UGP2: variants seen among roughly 807,000 people sequenced by gnomAD.
UGP2 encodes UTP--glucose-1-phosphate uridylyltransferase.
UGP2 carries 40 observed loss-of-function variants against 49.0 expected under a neutral mutation model. The observed-to-expected ratio is 0.82, with a 90% confidence interval of 0.63 to 1.06. UGP2 has a LOEUF of 1.06. Among genes scored for constraint, UGP2 ranks in the 50% least tolerant of loss-of-function variants. The pLI is 0.00. For synonymous variants in UGP2, 225 were observed against 213.0 expected, an observed-to-expected ratio of 1.06 and a Z score of -0.49; for missense variants, 460 against 603.5, an observed-to-expected ratio of 0.76 and a Z score of 2.49.
intron 4 of UGP2, among the ~76,000 whole-genome samples, chr2:63,883,040 G>T (rs1034247783): frequency 2.0e-5 from 3 of 152,184 alleles, no homozygotes; most frequent in African/African-American, 7.2e-5. Flanking sequence ...GCTAAGAACT[G>T]TTCTTGGCTT....
At position 63,861,988 on chromosome 2, in the gene UGP2, A is replaced by AT. The variant is rs199500945; in HGVS notation, c.255+4061dup. ...TGTGTGCAGAGTACAGATACATAGC[A>AT]TTTTTTTTTCTGAAGGTGAACCGTA... On this transcript the variant is annotated intron_variant, in intron 3 of 9. Transcript: ENST00000337130. Among the ~76,000 whole-genome samples, 395 of 151,154 alleles carry AT rather than the reference A, an allele frequency of 2.6e-3. 6 individuals carry two copies. The highest frequency in any genetic ancestry group is 9.3e-3 in the African/African-American group (384 of 41,182).
intron 3 of UGP2, among the ~76,000 whole-genome samples, chr2:63,875,903 G>C (rs562997695): frequency 7.2e-5 from 11 of 152,226 alleles, no homozygotes; most frequent in African/African-American, 2.6e-4. Flanking sequence ...GATCGCACTG[G>C]TGACTGACTA....
At chr2:63,890,617 A>G (rs889452273) in intron 9 of UGP2, among the ~76,000 whole-genome samples, 1 of 152,206 alleles carries the variant, frequency 6.6e-6, no homozygotes, top group Non-Finnish European at 1.5e-5. Flanking sequence ...TAGATTTCAT[A>G]TACTCCTCCC....
chr2:63,887,489 G>C lies in UGP2; in HGVS notation c.1159G>C (p.Val387Leu). 1 of 1,614,044 alleles carries C rather than the reference G, an allele frequency of 6.2e-7. No individual in the cohort carries two copies. Among genetic ancestry groups the C allele is most frequent in the Non-Finnish European group, 8.5e-7 (1 of 1,180,020 alleles). Reference sequence around the variant, plus strand: ...TTTTGAGAATTCTCTAGGTATTAATGTGCCAAGGAGCCGTTTTCTGCCTGT... The same window carrying C: ...TTTTGAGAATTCTCTAGGTATTAATCTGCCAAGGAGCCGTTTTCTGCCTGT... ...KSFENSLGIN[V>L]PRSRFLPVKT... Residue 387 changes from valine (V) to leucine (L), a missense_variant, in exon 8 of 10, where the codon GTG becomes CTG. Transcript: ENST00000337130.
intron 1 of UGP2, among the ~76,000 whole-genome samples, chr2:63,843,192 T>A (rs975608550): frequency 3.3e-5 from 5 of 152,386 alleles, no homozygotes; most frequent in Non-Finnish European, 7.3e-5. Flanking sequence ...CATCGCTTTA[T>A]TAACTCTTCT....
chr2:63,858,801 G>A (rs1293892890), intron 3 of UGP2, among the ~76,000 whole-genome samples: 2 of 151,860 alleles, frequency 1.3e-5, no homozygotes, highest in East Asian at 1.9e-4. Context: ...AAATAAGTAG[G>A]TGTAAATTCA....
At chr2:63,886,283 T>TA in intron 6 of UGP2, 58 bp from the exon 7 acceptor site, 1 of 1,521,150 alleles carries the variant, frequency 6.6e-7, no homozygotes, top group Admixed American at 1.7e-5. Context: ...TCTTTGTATT[T>TA]ACAAAAAAAT....
chr2:63,861,575 C>A (rs1022191006), intron 3 of UGP2, among the ~76,000 whole-genome samples: 3 of 149,844 alleles, frequency 2.0e-5, no homozygotes, highest in Admixed American at 2.0e-4. Context: ...GTAGTCCCAG[C>A]TACTTGGAAG....
At chr2:63,872,869 T>A (rs1374937485) in intron 3 of UGP2, among the ~76,000 whole-genome samples, 2 of 151,772 alleles carry the variant, frequency 1.3e-5, no homozygotes, top group Non-Finnish European at 2.9e-5. Context: ...AAGCAAAACA[T>A]GCTGGACGAG....
At chr2:63,842,582 A>G in intron 1 of UGP2, 2 of 1,485,222 alleles carry the variant, frequency 1.3e-6, no homozygotes, top group Admixed American at 2.2e-5. Context: ...GGGAAGCGGG[A>G]GGACTGAGAA....
rs762421534 is a variant in UGP2, at chr2:63,857,923, C to A, written c.242C>A (p.Pro81His). Residue 81 changes from proline to histidine, a missense_variant, in exon 3 of 10, where the codon CCC (proline) becomes CAC (histidine). Physicochemically the swap from Pro to His is moderately conservative, Grantham distance 77. Transcript: ENST00000337130. ...PSVDWGKIQR[P>H]PEDSIQPYEK... ...GTGGATTGGGGAAAAATCCAGAGAC[C>A]CCCTGAAGATTCGGTAAGTTTTAGA... is the stretch of plus-strand genomic sequence containing the variant. 2 of 1,613,302 alleles carry A rather than the reference C, an allele frequency of 1.2e-6. No individual in the cohort carries two copies. Among genetic ancestry groups the A allele is most frequent in the Non-Finnish European group, 8.5e-7 (1 of 1,179,722 alleles).
rs965420883 is a variant in UGP2, at chr2:63,890,189, T to C, written c.1419+4T>C. The C allele has an allele frequency of 1.9e-6, 3 of 1,586,738 alleles. No individual in the cohort carries two copies. Among genetic ancestry groups the C allele is most frequent in the Non-Finnish European group, 1.7e-6 (2 of 1,163,272 alleles). ...TGGAAAAAATGTTTCATTAAAGGTA[T>C]GTTGTTACAATGAAAATTATATTTC... On this transcript the variant is annotated splice_donor_region_variant and intron_variant, in intron 9 of 9. Coordinates refer to ENST00000337130, the MANE Select transcript of UGP2 (RefSeq NM_006759.4).
At chr2:63,855,520 G>GTTTTTTTTTTTTTTTTTTTCTTTTT in intron 1 of UGP2, 2 of 192,240 alleles carry the variant, frequency 1.0e-5, no homozygotes, top group South Asian at 8.2e-5. Flanking sequence ...TTCTTTTTCT[G>GTTTTTTTTTTTTTTTTTTTCTTTTT]TTTTTTTTTT....
intron 3 of UGP2, among the ~76,000 whole-genome samples, chr2:63,876,532 G>GAT (rs1670916607): frequency 6.6e-6 from 1 of 152,170 alleles, no homozygotes; most frequent in Admixed American, 6.5e-5. Flanking sequence ...AGAGTCTTCT[G>GAT]TGGTTAACAA....
chr2:63,885,699 G>C lies in UGP2; in HGVS notation c.686G>C (p.Ser229Thr). ...YPPGHGDIYA[S>T]FYNSGLLDTF... ...CCAGGTCATGGTGATATTTACGCCA[G>C]TTTCTACAACTCTGGATTGCTTGAT... The change falls in exon 6 of 10, where the codon AGT (serine) becomes ACT (threonine). Residue 229 changes from serine (S) to threonine (T), a missense_variant. Ser to Thr is a moderately conservative substitution (Grantham distance 58, BLOSUM62 1). This residue lies in a region of UGP2 where 317 missense variants were observed against 473.0 expected (regional missense o/e 0.67). Transcript: ENST00000337130. 2 of 1,613,924 alleles carry C rather than the reference G, an allele frequency of 1.2e-6. No homozygotes were observed. The highest frequency in any genetic ancestry group is 1.1e-5 in the South Asian group (1 of 91,070).
chr2:63,882,684 T>G (rs753177382), intron 4 of UGP2, 33 bp downstream of exon 4: 1 of 1,458,822 alleles, frequency 6.9e-7, no homozygotes, highest in Non-Finnish European at 9.1e-7. Flanking sequence ...CATGAGATAC[T>G]AAAATAGTTT....
rs1298528398 is a variant in UGP2, at chr2:63,886,508, C to A, written c.1041C>A (p.Ala347=). ...TTAAAAGACTGCAGGAGCAAAATGC[C>A]ATTGACATGGAAATCATTGTGAATG... ...AAVKRLQEQN[A]IDMEIIVNAK... Residue 347 remains alanine, a synonymous_variant, in exon 7 of 10, where the codon GCC becomes GCA. Coordinates refer to ENST00000337130, the MANE Select transcript of UGP2 (RefSeq NM_006759.4). 1.2e-6 allele frequency: 2 copies of A among 1,614,112 alleles called. No individual in the cohort carries two copies. The highest frequency in any genetic ancestry group is 2.2e-5 in the South Asian group (2 of 91,076).
In UGP2 at chr2:63,891,263, A is replaced by G. The variant is rs1436686418; in HGVS notation, c.*36A>G. 2.0e-6 allele frequency: 3 copies of G among 1,536,430 alleles called. No individual in the cohort carries two copies. Among genetic ancestry groups the G allele is most frequent in the Non-Finnish European group, 2.7e-6 (3 of 1,111,602 alleles). On this transcript the variant is annotated 3_prime_UTR_variant, in exon 10 of 10. Transcript: ENST00000337130. ...ACTGTGGACACTTAAATAATGGGCT[A>G]GTTTCTTACAATGAAATGTTCTCTA...
In UGP2 at chr2:63,891,184, A is replaced by C; in HGVS notation, c.1484A>C (p.Glu495Ala). 1 of 1,613,944 alleles carries C rather than the reference A, an allele frequency of 6.2e-7. No individual in the cohort carries two copies. Among genetic ancestry groups the C allele is most frequent in the Non-Finnish European group, 8.5e-7 (1 of 1,179,904 alleles). ...RIDIPPGAVL[E>A]NKIVSGNLRI... ...GATATCCCACCTGGAGCAGTATTAG[A>C]GAACAAGATTGTGTCTGGAAACCTT... Residue 495 changes from glutamate (E) to alanine (A), a missense_variant, in exon 10 of 10, where the codon GAG (glutamate) becomes GCG (alanine). By Grantham distance (107) the Glu-to-Ala change is moderately radical. Coordinates refer to ENST00000337130, the MANE Select transcript of UGP2 (RefSeq NM_006759.4).
Sources: allele counts gnomAD v4.1 joint callset (sites outside exome capture counted in the v4.1 genomes callset), GRCh38; gene constraint gnomAD v4.1.1; regional missense constraint gnomAD v4.1.1; transcripts MANE v1.5; gene names NCBI Gene and HGNC (gene_info 2026-07-23, HGNC 2026-07-21).